ARL5C: variants seen among roughly 807,000 people sequenced by gnomAD.
ARL5C encodes putative ADP-ribosylation factor-like protein 5C.
ARL5C carries 21 observed loss-of-function variants against 20.8 expected under a neutral mutation model. The observed-to-expected ratio is 1.01, with a 90% CI of 0.72 to 1.46. The LOEUF (loss-of-function observed/expected upper bound fraction) is 1.46, where lower values mean the gene tolerates loss of function less well. ARL5C is among the 40% of genes most tolerant of loss of function. The probability of loss-of-function intolerance (pLI) is 0.00; values close to 1 mark genes in which losing one functional copy is unlikely to be tolerated. For missense variants in ARL5C, 199 were observed against 225.1 expected, an observed-to-expected ratio of 0.88 and a Z score of 0.74; for synonymous variants, 71 against 81.6, an observed-to-expected ratio of 0.87 and a Z score of 0.70.
intron 2 of ARL5C, chr17:39,164,220 C>G (rs1567781757): frequency 1.3e-5 from 2 of 152,158 alleles, no homozygotes; most frequent in Admixed American, 6.5e-5. Context: ...AGAGCAACAG[C>G]GCCCGGCCAT....
chr17:39,160,862 G>T, intron 4 of ARL5C, 120 bp from the exon 5 acceptor site: 1 of 1,227,068 alleles, frequency 8.1e-7, no homozygotes, highest in Non-Finnish European at 1.1e-6. Context: ...CCCATGCCTG[G>T]ATGGGGCAGA....
chr17:39,159,437 C>T (rs2045423914), intron 5 of ARL5C, among the ~76,000 whole-genome samples: 1 of 151,782 alleles, frequency 6.6e-6, no homozygotes, highest in African/African-American at 2.4e-5. Context: ...CCTGGGATTA[C>T]AGGCATCTGC....
intron 4 of ARL5C, among the ~76,000 whole-genome samples, 161 bp from the exon 5 acceptor site, chr17:39,160,903 G>A (rs16523): frequency 0.31 from 47,620 of 152,156 alleles, 9,596 homozygotes; most frequent in African/African-American, 0.58. Context: ...GGTAGCAACC[G>A]TATCAAATAA....
chr17:39,163,361 T>TCTTTCTTTCTTTCTTTCTTC (rs1228164493), intron 2 of ARL5C, among the ~76,000 whole-genome samples: 32 of 123,714 alleles, frequency 2.6e-4, no homozygotes, highest in African/African-American at 1.7e-3. Flanking sequence ...TTTCTTTCTT[T>TCTTTCTTTCTTTCTTTCTTC]CTTTCTTTCT....
chr17:39,164,959 G>T, intron 2 of ARL5C, 120 bp downstream of exon 2: 2 of 1,003,106 alleles, frequency 2.0e-6, no homozygotes, highest in South Asian at 1.5e-5. Flanking sequence ...GTGCCCAATC[G>T]CTCCTCCGGA....
At chr17:39,163,345 C>CCTTTCTTTCTTCCTTTCTTTCTTT (rs2045444068) in intron 2 of ARL5C, among the ~76,000 whole-genome samples, 1 of 136,740 alleles carries the variant, frequency 7.3e-6, no homozygotes, top group Non-Finnish European at 1.6e-5. Flanking sequence ...CAGGCTTTTG[C>CCTTTCTTTCTTCCTTTCTTTCTTT]CTTTCTTTCT....
intron 2 of ARL5C, 43 bp from the exon 3 acceptor site, chr17:39,162,901 C>T (rs1160857760): frequency 5.2e-6 from 8 of 1,539,300 alleles, no homozygotes; most frequent in Admixed American, 2.0e-5. Flanking sequence ...GTCCAGCCTA[C>T]TCCCAACTCT....
chr17:39,166,116 A>G lies in ARL5C; in HGVS notation c.-356T>C. ...GACTCAGCACTGCGCGCGGAACCGGATCCCAGCTCTCCCTCCTCTGAGTGC... is the reference window on the plus strand; with the variant it reads ...GACTCAGCACTGCGCGCGGAACCGGGTCCCAGCTCTCCCTCCTCTGAGTGC... On this transcript the variant is annotated 5_prime_UTR_variant, in exon 1 of 6. Transcript: ENST00000269586. 3.3e-6 allele frequency: 1 copy of G among 299,872 alleles called. No homozygotes were observed. The highest frequency in any genetic ancestry group is 4.0e-5 in the South Asian group (1 of 24,874). 18.6% of individuals were successfully genotyped at this position (299,872 alleles called of 1,614,324 possible). A position where few individuals can be genotyped will look rare whatever the true frequency, so the allele number is the denominator to read the frequency against.
chr17:39,161,659 G>A lies in ARL5C; in HGVS notation c.256-308C>T, dbSNP rs137878117. ...CTCCCAAGTAGCTGGGATTACAGGC[G>A]CGTGCCACCACACCCGGCTAATTTT... On this transcript the variant is annotated intron_variant, in intron 3 of 5. Coordinates refer to ENST00000269586, the MANE Select transcript of ARL5C (RefSeq NM_001143968.1). Among the ~76,000 whole-genome samples the A allele has an allele frequency of 4.9e-4, 74 of 152,022 alleles. No homozygotes were observed. The East Asian group carries it at 9.9e-3, about 20-fold the overall frequency.
intron 1 of ARL5C, 193 bp downstream of exon 1, chr17:39,165,522 G>T: frequency 1.5e-6 from 1 of 664,898 alleles, no homozygotes; most frequent in Non-Finnish European, 2.5e-6. Flanking sequence ...TTGCGTCCTG[G>T]GGCGCACCGA....
chr17:39,160,705 T>A lies in ARL5C; in HGVS notation c.377A>T (p.Lys126Met). The change falls in exon 5 of 6, where the codon AAG becomes ATG. Residue 126 changes from lysine (K) to methionine (M), a missense_variant. Coordinates refer to ENST00000269586, the MANE Select transcript of ARL5C (RefSeq NM_001143968.1). The part of the protein sequence containing the change: ...QDASVLIFAN[K>M]QDVKDSMRMV... ...CCTCATGGAGTCCTTCACGTCCTGC[T>A]TATTGGCAAATATCAGGACTGAAGC... 6.4e-7 allele frequency: 1 copy of A among 1,551,864 alleles called. No homozygotes were observed. Among genetic ancestry groups the A allele is most frequent in the Non-Finnish European group, 8.7e-7 (1 of 1,147,000 alleles).
rs536041210 is a variant in ARL5C, at chr17:39,164,897, A to G, written c.107+182T>C. 174 of 617,552 alleles carry G rather than the reference A, an allele frequency of 2.8e-4. No homozygotes were observed. In the African/African-American group the frequency reaches 2.9e-3, roughly 10 times the overall value. The allele number at this position is 617,552 out of a possible 1,614,324, so 38.3% of individuals were successfully genotyped here. ...GGAGCTAGGGTTGCCTGTACGGTGCAGGATTTGAATGCCAGACCGAGGAGC... is the reference window on the plus strand; with the variant it reads ...GGAGCTAGGGTTGCCTGTACGGTGCGGGATTTGAATGCCAGACCGAGGAGC... On this transcript the variant is annotated intron_variant, in intron 2 of 5. Coordinates refer to ENST00000269586, the MANE Select transcript of ARL5C (RefSeq NM_001143968.1).
chr17:39,160,330 A>C, intron 5 of ARL5C: 1 of 378,642 alleles, frequency 2.6e-6, no homozygotes, highest in Non-Finnish European at 4.8e-6. Flanking sequence ...GTCTCAAAAA[A>C]AAAAAAAAAG....
At chr17:39,156,966 G>C in intron 5 of ARL5C, 24 bp from the exon 6 acceptor site, 1 of 1,551,648 alleles carries the variant, frequency 6.4e-7, no homozygotes, top group Non-Finnish European at 8.7e-7. Flanking sequence ...GGAACAGGAG[G>C]GGTCAGCCTA....
At chr17:39,158,114 A>AGGGAGGGG (rs2045415679) in intron 5 of ARL5C, among the ~76,000 whole-genome samples, 1 of 89,832 alleles carries the variant, frequency 1.1e-5, no homozygotes, top group Admixed American at 1.6e-4. Flanking sequence ...GGAAGGAGGG[A>AGGGAGGGG]GGGAGGGAGG....
chr17:39,163,394 C>CTTTCTTTCTT (rs778704422), intron 2 of ARL5C, among the ~76,000 whole-genome samples: 5 of 147,514 alleles, frequency 3.4e-5, no homozygotes, highest in African/African-American at 7.8e-5. Flanking sequence ...TTCTTTCTTT[C>CTTTCTTTCTT]TCTCTTTCTT....
At position 39,161,516 on chromosome 17, in the gene ARL5C, C is replaced by CTT. The variant is rs35110471; in HGVS notation, c.256-167_256-166dup. Among the ~76,000 whole-genome samples the CTT allele has an allele frequency of 5.0e-3, 714 of 143,056 alleles. 9 individuals carry two copies. Among genetic ancestry groups the CTT allele is most frequent in the African/African-American group, 0.017 (635 of 38,280 alleles). 93.9% of individuals were successfully genotyped at this position (143,056 alleles called of 152,430 possible). On this transcript the variant is annotated intron_variant, in intron 3 of 5. Coordinates refer to ENST00000269586, the MANE Select transcript of ARL5C (RefSeq NM_001143968.1). Reference sequence around the variant, plus strand: ...ACCACCCTGCTTCCATTATAATTGTCTTTTTTTTTTTTTTTGAGGCGGAGT... The same window carrying CTT: ...ACCACCCTGCTTCCATTATAATTGTCTTTTTTTTTTTTTTTTTGAGGCGGAGT...
At position 39,165,798 on chromosome 17, in the gene ARL5C, C is replaced by A. The variant is rs2045460395; in HGVS notation, c.-38G>T. ...GCCGGACAGGTGCAGGAGGGCTCAG[C>A]GGCCTCAGGAGCGGAGTCGGCCCTG... On this transcript the variant is annotated 5_prime_UTR_variant, in exon 1 of 6. Coordinates refer to ENST00000269586, the MANE Select transcript of ARL5C (RefSeq NM_001143968.1). 1 of 1,550,970 alleles carries A rather than the reference C, an allele frequency of 6.4e-7. No individual in the cohort carries two copies. Among genetic ancestry groups the A allele is most frequent in the Admixed American group, 2.0e-5 (1 of 50,992 alleles).
At chr17:39,157,788 T>C (rs2045412815) in intron 5 of ARL5C, among the ~76,000 whole-genome samples, 1 of 111,712 alleles carries the variant, frequency 9.0e-6, no homozygotes, top group Non-Finnish European at 1.8e-5. Context: ...GAAACTCCAC[T>C]CAAAAAAAAA....
Sources: gnomAD v4.1 joint callset for allele counts (sites outside exome capture counted in the v4.1 genomes callset) on GRCh38, gnomAD v4.1.1 for gene constraint, MANE v1.5 for transcripts, NCBI Gene and HGNC (gene_info 2026-07-23, HGNC 2026-07-21) for gene names.